Variants in PTPRT observed in about 807,000 individuals in gnomAD.
The protein encoded by PTPRT is protein tyrosine phosphatase receptor type T.
Under a neutral mutation model 176.8 loss-of-function variants are expected in PTPRT, and 56 were observed. The observed-to-expected ratio is 0.32, with a 90% confidence interval of 0.26 to 0.40. PTPRT has a LOEUF of 0.40. Ranked by LOEUF, PTPRT falls within the 10% of genes least tolerant of loss-of-function variation. PTPRT has a pLI of 1.00. For synonymous variants in PTPRT, 783 were observed against 739.0 expected (o/e 1.06, Z -0.96); for missense variants, 1,540 against 1,908.2 (o/e 0.81, Z 3.60).
chr20:43,041,273 T>G (rs1434916603), intron 1 of PTPRT, among the ~76,000 whole-genome samples: 2 of 152,258 alleles, frequency 1.3e-5, no homozygotes, highest in African/African-American at 4.8e-5. Flanking sequence ...CTATAGTACT[T>G]TTTAATGTAT....
intron 9 of PTPRT, among the ~76,000 whole-genome samples, chr20:42,435,006 A>AG (rs35382912): frequency 0.12 from 17,678 of 151,936 alleles, 1,029 homozygotes; most frequent in Middle Eastern, 0.14. Flanking sequence ...CAACAAAAAA[A>AG]AGAGAAAATT....
chr20:42,691,443 A>C (rs1173985063), intron 6 of PTPRT, among the ~76,000 whole-genome samples: 1 of 152,204 alleles, frequency 6.6e-6, no homozygotes, highest in Non-Finnish European at 1.5e-5. Flanking sequence ...GGAGATGCAT[A>C]ATTAGTCTGT....
chr20:42,512,712 A>C (rs538276766), intron 7 of PTPRT, among the ~76,000 whole-genome samples: 91 of 152,306 alleles, frequency 6.0e-4, no homozygotes, highest in African/African-American at 2.1e-3. Context: ...TTTCAAGCTG[A>C]CTGCATACAC....
intron 7 of PTPRT, among the ~76,000 whole-genome samples, chr20:42,672,347 T>C (rs1334196291): frequency 6.6e-6 from 1 of 152,216 alleles, no homozygotes; most frequent in Non-Finnish European, 1.5e-5. Context: ...TACATCAGAC[T>C]CCAAGTTCTT....
intron 1 of PTPRT, among the ~76,000 whole-genome samples, chr20:42,897,524 G>A (rs574599513): frequency 6.6e-6 from 1 of 152,280 alleles, no homozygotes; most frequent in South Asian, 2.1e-4. Context: ...AGAAACGGCG[G>A]TGCCCTAGAA....
chr20:42,574,117 C>T (rs1477338875), intron 7 of PTPRT, among the ~76,000 whole-genome samples: 1 of 152,138 alleles, frequency 6.6e-6, no homozygotes, highest in Non-Finnish European at 1.5e-5. Context: ...TTGAGCCTGC[C>T]TATGTGGGTT....
At chr20:43,030,956 C>G (rs1345834299) in intron 1 of PTPRT, among the ~76,000 whole-genome samples, 1 of 152,168 alleles carries the variant, frequency 6.6e-6, no homozygotes, top group Non-Finnish European at 1.5e-5. Flanking sequence ...CTCCTGAGAC[C>G]ATCACCTGGA....
chr20:43,114,747 C>T (rs1292399097), intron 1 of PTPRT, among the ~76,000 whole-genome samples: 1 of 151,784 alleles, frequency 6.6e-6, no homozygotes, highest in Non-Finnish European at 1.5e-5. Context: ...CGTTCTGAGC[C>T]CTCACCAGTG....
At chr20:43,085,685 C>T (rs1464367729) in intron 1 of PTPRT, among the ~76,000 whole-genome samples, 1 of 152,100 alleles carries the variant, frequency 6.6e-6, no homozygotes. Context: ...TGAGACTTAT[C>T]GACTATCACA....
chr20:42,344,923 C>T (rs2058165863), intron 11 of PTPRT, among the ~76,000 whole-genome samples: 2 of 151,964 alleles, frequency 1.3e-5, no homozygotes, highest in African/African-American at 2.4e-5. Context: ...TTCTAGGTTA[C>T]ACTCTTCCCT....
intron 1 of PTPRT, among the ~76,000 whole-genome samples, chr20:42,943,058 AC>A (rs1199690631): frequency 1.1e-4 from 16 of 152,212 alleles, no homozygotes; most frequent in African/African-American, 3.9e-4. Context: ...TTTTGTGGAA[AC>A]CATTTCACTC....
intron 15 of PTPRT, among the ~76,000 whole-genome samples, chr20:42,231,636 C>T (rs922634486): frequency 6.6e-5 from 10 of 152,144 alleles, no homozygotes; most frequent in Non-Finnish European, 1.3e-4. Context: ...ACTCTTCCTA[C>T]GCTCAAAACT....
intron 7 of PTPRT, among the ~76,000 whole-genome samples, chr20:42,490,970 T>C (rs1314243646): frequency 2.0e-5 from 3 of 152,164 alleles, no homozygotes; most frequent in Non-Finnish European, 4.4e-5. Context: ...TTTGGGGTAA[T>C]TATAAGTAAA....
chr20:42,535,247 A>G (rs1264590231), intron 7 of PTPRT, among the ~76,000 whole-genome samples: 2 of 152,208 alleles, frequency 1.3e-5, no homozygotes, highest in East Asian at 1.9e-4. Context: ...AATGCATGTT[A>G]TCAACTATAA....
chr20:42,091,052 C>G (rs546664038), intron 27 of PTPRT, among the ~76,000 whole-genome samples: 1 of 151,452 alleles, frequency 6.6e-6, no homozygotes, highest in East Asian at 1.9e-4. Flanking sequence ...ATGAACACAC[C>G]GGGGAGAGGA....
chr20:42,859,306 C>T (rs2078618392), intron 2 of PTPRT, among the ~76,000 whole-genome samples: 1 of 152,102 alleles, frequency 6.6e-6, no homozygotes, highest in African/African-American at 2.4e-5. Context: ...TGTCATAGGT[C>T]ACACACCCAG....
intron 2 of PTPRT, among the ~76,000 whole-genome samples, chr20:42,878,484 T>C (rs1253073980): frequency 6.6e-6 from 1 of 152,212 alleles, no homozygotes; most frequent in Non-Finnish European, 1.5e-5. Flanking sequence ...AGATGCTTAG[T>C]TGACAACAGT....
intron 6 of PTPRT, chr20:42,688,150 G>C (rs1340024375): frequency 6.6e-6 from 1 of 152,214 alleles, no homozygotes; most frequent in Non-Finnish European, 1.5e-5. Context: ...TTCAGATGGA[G>C]ACTGGGATGC....
chr20:43,102,635 T>G (rs1317462829), intron 1 of PTPRT, among the ~76,000 whole-genome samples: 1 of 152,148 alleles, frequency 6.6e-6, no homozygotes, highest in African/African-American at 2.4e-5. Context: ...TGGCTGTGGG[T>G]GCAGAGCAGG....
Sources: gnomAD v4.1 joint callset for allele counts (sites outside exome capture counted in the v4.1 genomes callset) on GRCh38, gnomAD v4.1.1 for gene constraint, MANE v1.5 for transcripts, NCBI Gene and HGNC (gene_info 2026-07-23, HGNC 2026-07-21) for gene names.